NXN: variants seen among roughly 807,000 people sequenced by gnomAD.
NXN encodes nucleoredoxin 1.
NXN carries 16 observed loss-of-function variants against 48.6 expected under a neutral mutation model. That is an observed-to-expected ratio of 0.33 (90% CI 0.22 to 0.50). The LOEUF (loss-of-function observed/expected upper bound fraction) is 0.50. Among genes scored for constraint, NXN ranks in the 20% least tolerant of loss-of-function variants. NXN has a pLI of 0.98. For synonymous variants in NXN, 281 were observed against 269.6 expected (o/e 1.04, Z -0.41); for missense variants, 492 against 605.5 (o/e 0.81, Z 1.97).
In NXN at chr17:862,926, C is replaced by T. The variant is rs376556777; in HGVS notation, c.361-36848G>A. Among the ~76,000 whole-genome samples, 16 of 152,100 alleles carry T rather than the reference C, an allele frequency of 1.1e-4. No individual in the cohort carries two copies. The South Asian group carries it at 1.2e-3, about 12-fold the overall frequency. On this transcript the variant is annotated intron_variant, in intron 1 of 7. Transcript: ENST00000336868. ...ATGCTACATTTCTTGGGTATGATAA[C>T]GGTATTATTGCTAGGAAGAGAACAC...
intron 1 of NXN, among the ~76,000 whole-genome samples, chr17:906,438 A>C (rs780742314): frequency 5.3e-4 from 81 of 152,290 alleles, no homozygotes; most frequent in Non-Finnish European, 9.7e-4. Context: ...AAGTCACTTA[A>C]CCTTCTTGAG....
intron 1 of NXN, among the ~76,000 whole-genome samples, chr17:889,755 GAAAGAAAAAGAAAGAAAGAAAA>G (rs2068394525): frequency 1.1e-5 from 1 of 92,088 alleles, no homozygotes; most frequent in African/African-American, 6.1e-5. Flanking sequence ...AAGAAAGAAA[GAAAGAAAAAGAAAGAAAGAAAA>G]GAGAGAGAAA....
intron 1 of NXN, among the ~76,000 whole-genome samples, chr17:954,542 C>G (rs1270055749): frequency 6.6e-6 from 1 of 152,254 alleles, no homozygotes; most frequent in Non-Finnish European, 1.5e-5. Flanking sequence ...TTTTCTCCTA[C>G]TCAGGCATAT....
At chr17:853,906 G>C (rs61035896) in intron 1 of NXN, among the ~76,000 whole-genome samples, 1 of 151,672 alleles carries the variant, frequency 6.6e-6, no homozygotes, top group East Asian at 2.0e-4. Context: ...ATTTTTATTA[G>C]ACACGGGGTT....
At position 920,370 on chromosome 17, in the gene NXN, C is replaced by T. The variant is rs554989741; in HGVS notation, c.360+58949G>A. Among the ~76,000 whole-genome samples the T allele has an allele frequency of 7.0e-4, 106 of 152,038 alleles. No individual in the cohort carries two copies. The highest frequency in any genetic ancestry group is 3.4e-3 in the Middle Eastern group (1 of 294). On this transcript the variant is annotated intron_variant, in intron 1 of 7. Coordinates refer to ENST00000336868, the MANE Select transcript of NXN (RefSeq NM_022463.5). This position sits in a 1 kb window ranked among gnomAD's most constrained non-coding sequence, Gnocchi z 4.6. ...GCCCATGTGGCTCTCCTCCCAGCCCCGAGCGCCTGGGGATACCTAGGCCCT... is the reference window on the plus strand; with the variant it reads ...GCCCATGTGGCTCTCCTCCCAGCCCTGAGCGCCTGGGGATACCTAGGCCCT...
At chr17:887,400 CTT>C (rs1214022846) in intron 1 of NXN, among the ~76,000 whole-genome samples, 1 of 152,094 alleles carries the variant, frequency 6.6e-6, no homozygotes, top group Non-Finnish European at 1.5e-5. Context: ...TTCATGAGCT[CTT>C]GTCACCAACT....
At position 979,751 on chromosome 17, in the gene NXN, C is replaced by A; in HGVS notation, c.-73G>T. The A allele has an allele frequency of 1.6e-6, 2 of 1,213,270 alleles. No homozygotes were observed. The highest frequency in any genetic ancestry group is 1.6e-5 in the African/African-American group (1 of 62,168). 75.2% of individuals were successfully genotyped at this position (1,213,270 alleles called of 1,614,324 possible). On this transcript the variant is annotated 5_prime_UTR_variant, in exon 1 of 8. Transcript: ENST00000336868. ...TCCGCGCGGCGGGAGGAGGCGGCGG[C>A]GTCGGCGGCAGGCGCTGGGGAGAGC...
chr17:841,544 C>CACGG lies in NXN; in HGVS notation c.361-15467_361-15466insCCGT, dbSNP rs1567827827. ...GTCCCCCCGACCATGGAGCATCTCACGCCGGCGAGCAGGTCCCCCCTGACC... is the reference window on the plus strand; with the variant it reads ...GTCCCCCCGACCATGGAGCATCTCACACGGGCCGGCGAGCAGGTCCCCCCTGACC... On this transcript the variant is annotated intron_variant, in intron 1 of 7. Transcript: ENST00000336868. Among the ~76,000 whole-genome samples, 25 of 64,602 alleles carry CACGG rather than the reference C, an allele frequency of 3.9e-4. 2 individuals are homozygous for CACGG. The highest frequency in any genetic ancestry group is 2.1e-3 in the South Asian group (4 of 1,946). 42.4% of individuals were successfully genotyped at this position (64,602 alleles called of 152,430 possible). A position where few individuals can be genotyped will look rare whatever the true frequency, so the allele number is the denominator to read the frequency against.
intron 1 of NXN, among the ~76,000 whole-genome samples, chr17:853,702 C>CACATATATATATATAT (rs1269027449): frequency 8.4e-6 from 1 of 119,306 alleles, no homozygotes; most frequent in African/African-American, 3.6e-5. Flanking sequence ...CTGTTATACA[C>CACATATATATATATAT]ATATATATAT....
chr17:851,820 C>A (rs1177339545), intron 1 of NXN, among the ~76,000 whole-genome samples: 1 of 152,228 alleles, frequency 6.6e-6, no homozygotes, highest in Non-Finnish European at 1.5e-5. Flanking sequence ...ATGAAAAGAA[C>A]AAAGAACAAG....
chr17:975,441 C>T (rs1290360146), intron 1 of NXN, among the ~76,000 whole-genome samples: 1 of 152,188 alleles, frequency 6.6e-6, no homozygotes, highest in African/African-American at 2.4e-5. Flanking sequence ...CAAAGGGATT[C>T]AAGTAAATTC....
At position 919,561 on chromosome 17, in the gene NXN, C is replaced by T. The variant is rs2068724315; in HGVS notation, c.360+59758G>A. ...GAGGACGCAGTCAAACGGCTTTCTACAGCACCTCCTCGTATCGTGGGTTAC... is the reference window on the plus strand; with the variant it reads ...GAGGACGCAGTCAAACGGCTTTCTATAGCACCTCCTCGTATCGTGGGTTAC... On this transcript the variant is annotated intron_variant, in intron 1 of 7. Coordinates refer to ENST00000336868, the MANE Select transcript of NXN (RefSeq NM_022463.5). The surrounding 1 kb of genome is among the most constrained non-coding windows in gnomAD (Gnocchi z 5.1). 6.6e-6 allele frequency among the ~76,000 whole-genome samples: 1 copy of T among 152,072 alleles called. No individual in the cohort carries two copies. Among genetic ancestry groups the T allele is most frequent in the South Asian group, 2.1e-4 (1 of 4,808 alleles).
At chr17:961,118 GCA>G (rs1175994363) in intron 1 of NXN, among the ~76,000 whole-genome samples, 1 of 151,952 alleles carries the variant, frequency 6.6e-6, no homozygotes, top group African/African-American at 2.4e-5. Flanking sequence ...TTCAGGCTGG[GCA>G]CAGTGGCTCA....
intron 1 of NXN, among the ~76,000 whole-genome samples, chr17:914,096 C>T (rs906247021): frequency 7.2e-5 from 11 of 152,174 alleles, no homozygotes; most frequent in East Asian, 5.8e-4. Flanking sequence ...GACAGGGTTT[C>T]GCCACATTGG....
chr17:812,082 C>T (rs1226026912), intron 5 of NXN, among the ~76,000 whole-genome samples: 3 of 151,290 alleles, frequency 2.0e-5, no homozygotes, highest in Non-Finnish European at 4.4e-5. Flanking sequence ...CGCCCGTCAC[C>T]ACGCCTGGCT....
chr17:935,560 T>C (rs79175204), intron 1 of NXN, among the ~76,000 whole-genome samples: 1,881 of 152,246 alleles, frequency 0.012, 48 homozygotes, highest in African/African-American at 0.042. Flanking sequence ...GCAACAAACA[T>C]GCACTCTGAT....
intron 1 of NXN, among the ~76,000 whole-genome samples, chr17:903,665 G>A (rs116465838): frequency 0.052 from 7,884 of 152,284 alleles, 282 homozygotes; most frequent in South Asian, 0.23. Flanking sequence ...TTCCAGGCGT[G>A]AGCCAGGACA....
chr17:873,336 T>A (rs643840), intron 1 of NXN, among the ~76,000 whole-genome samples: 53,580 of 151,458 alleles, frequency 0.35, 12,086 homozygotes, highest in African/African-American at 0.64. Flanking sequence ...ATCTCTACTA[T>A]AAATACAAAA....
At chr17:887,265 G>A (rs2068359025) in intron 1 of NXN, among the ~76,000 whole-genome samples, 1 of 152,086 alleles carries the variant, frequency 6.6e-6, no homozygotes, top group Admixed American at 6.6e-5. Context: ...TAGCTGACCG[G>A]CCAGTCCTCT....
Sources: gnomAD v4.1 joint callset for allele counts (sites outside exome capture counted in the v4.1 genomes callset) on GRCh38, gnomAD v4.1.1 for gene constraint, Gnocchi (gnomAD v3.1) non-coding constraint, MANE v1.5 for transcripts, NCBI Gene and HGNC (gene_info 2026-07-23, HGNC 2026-07-21) for gene names.